The following RAB38 variants were observed in gnomAD, a reference collection of about 807,000 sequenced individuals.
The protein encoded by RAB38 is ras-related protein Rab-38.
Under a neutral mutation model 18.4 loss-of-function variants are expected in RAB38, and 15 were observed. That is an observed-to-expected ratio of 0.82 (90% CI 0.55 to 1.26). The LOEUF is 1.26. RAB38 is among the 50% of genes most tolerant of loss of function. The pLI is 0.00. For missense variants in RAB38, 294 were observed against 267.4 expected, an observed-to-expected ratio of 1.10 and a Z score of -0.69; for synonymous variants, 101 against 104.4, an observed-to-expected ratio of 0.97 and a Z score of 0.20.
chr11:88,113,835 G>T lies in RAB38; in HGVS notation c.*153C>A. 2 of 829,608 alleles carry T rather than the reference G, an allele frequency of 2.4e-6. No homozygotes were observed. Among genetic ancestry groups the T allele is most frequent in the Non-Finnish European group, 1.9e-6 (1 of 527,650 alleles). The allele number at this position is 829,608 out of a possible 1,614,324, so 51.4% of individuals were successfully genotyped here. On this transcript the variant is annotated 3_prime_UTR_variant, in exon 3 of 3. Transcript: ENST00000243662. Reference sequence around the variant, plus strand: ...TGAGGAAAGCATAGAAAGAACATTTGCTATTTCTCTCTCACTGAAAAAACA... The same window carrying T: ...TGAGGAAAGCATAGAAAGAACATTTTCTATTTCTCTCTCACTGAAAAAACA...
At chr11:87,863,152 A>G in the RAB38 span, among the ~76,000 whole-genome samples, 2 of 151,872 alleles carry the variant, frequency 1.3e-5, no homozygotes, top group African/African-American at 2.4e-5. Flanking sequence ...GCGGGACTAG[A>G]ATGGTCTTCC....
At chr11:88,028,478 T>G in the RAB38 span, among the ~76,000 whole-genome samples, 1 of 152,186 alleles carries the variant, frequency 6.6e-6, no homozygotes, top group Admixed American at 6.5e-5. Flanking sequence ...TTGAAAACTT[T>G]GAAAAAAATT....
the RAB38 span, among the ~76,000 whole-genome samples, chr11:88,037,795 A>G: frequency 1.3e-5 from 2 of 152,134 alleles, no homozygotes; most frequent in Non-Finnish European, 2.9e-5. Flanking sequence ...ATTCCATTGT[A>G]AAGATATAAT....
the RAB38 span, among the ~76,000 whole-genome samples, chr11:88,007,820 G>A: frequency 6.6e-6 from 1 of 151,944 alleles, no homozygotes; most frequent in East Asian, 1.9e-4. Flanking sequence ...CCAAAAACTA[G>A]GGGTAGGGGT....
At chr11:87,839,602 CAAAG>C in the RAB38 span, among the ~76,000 whole-genome samples, 11 of 152,018 alleles carry the variant, frequency 7.2e-5, no homozygotes, top group Non-Finnish European at 1.6e-4. Flanking sequence ...TGTAACACAT[CAAAG>C]AAAAAACCAT....
chr11:88,019,528 A>G, the RAB38 span, among the ~76,000 whole-genome samples: 1 of 152,144 alleles, frequency 6.6e-6, no homozygotes, highest in Non-Finnish European at 1.5e-5. Flanking sequence ...AATCCTTTAA[A>G]ATGTAAATCA....
the RAB38 span, among the ~76,000 whole-genome samples, chr11:87,936,632 C>T: frequency 6.6e-6 from 1 of 152,036 alleles, no homozygotes; most frequent in Non-Finnish European, 1.5e-5. Context: ...CTTTATTCTT[C>T]TTTGTTAAAA....
At chr11:88,050,315 C>T in the RAB38 span, 2 of 152,126 alleles carry the variant, frequency 1.3e-5, no homozygotes, top group Non-Finnish European at 2.9e-5. Flanking sequence ...CCATATAGGA[C>T]CTTATAAGTT....
At chr11:88,083,261 C>G in the RAB38 span, among the ~76,000 whole-genome samples, 1 of 151,910 alleles carries the variant, frequency 6.6e-6, no homozygotes, top group Admixed American at 6.6e-5. Flanking sequence ...CTTAATATTT[C>G]CCCGAATCTG....
downstream of RAB38, among the ~76,000 whole-genome samples, chr11:88,109,117 A>G (rs549407518): frequency 2.7e-4 from 41 of 152,130 alleles, no homozygotes; most frequent in Admixed American, 1.0e-3. Flanking sequence ...TATGTGTCTT[A>G]GTGTTGCTCC....
At chr11:87,840,025 T>A in the RAB38 span, among the ~76,000 whole-genome samples, 2 of 152,192 alleles carry the variant, frequency 1.3e-5, no homozygotes, top group East Asian at 3.9e-4. Flanking sequence ...GCCCATGTAA[T>A]GTCATTAGTG....
At chr11:87,869,424 G>T in the RAB38 span, among the ~76,000 whole-genome samples, 3 of 151,560 alleles carry the variant, frequency 2.0e-5, no homozygotes, top group Non-Finnish European at 4.4e-5. Flanking sequence ...TAAGAACCCG[G>T]CTCACTCACC....
the RAB38 span, among the ~76,000 whole-genome samples, chr11:87,936,404 C>A: frequency 6.6e-6 from 1 of 152,170 alleles, no homozygotes; most frequent in East Asian, 1.9e-4. Flanking sequence ...AAAAAGTAAT[C>A]TTTCCTCCAT....
At chr11:88,076,584 T>C in the RAB38 span, among the ~76,000 whole-genome samples, 1,472 of 152,148 alleles carry the variant, frequency 9.7e-3, 17 homozygotes, top group African/African-American at 0.032. Context: ...TTGCAGGATA[T>C]AAAATCAACA....
At chr11:88,034,823 TTTG>T in the RAB38 span, among the ~76,000 whole-genome samples, 1 of 152,376 alleles carries the variant, frequency 6.6e-6, no homozygotes, top group South Asian at 2.1e-4. Context: ...TATTCATGTC[TTTG>T]TTGAGTTTAA....
At chr11:87,898,319 C>T in the RAB38 span, among the ~76,000 whole-genome samples, 1 of 151,728 alleles carries the variant, frequency 6.6e-6, no homozygotes, top group South Asian at 2.1e-4. Flanking sequence ...TCAACCTCTG[C>T]ACTCTACTTT....
chr11:88,113,869 G>C lies in RAB38; in HGVS notation c.*119C>G, dbSNP rs1362835632. The C allele has an allele frequency of 7.5e-6, 9 of 1,192,890 alleles. No individual in the cohort carries two copies. The highest frequency in any genetic ancestry group is 1.5e-5 in the African/African-American group (1 of 65,496). The allele number at this position is 1,192,890 out of a possible 1,614,324, so 73.9% of individuals were successfully genotyped here. A position where few individuals can be genotyped will look rare whatever the true frequency, so the allele number is the denominator to read the frequency against. On this transcript the variant is annotated 3_prime_UTR_variant, in exon 3 of 3. Coordinates refer to ENST00000243662, the MANE Select transcript of RAB38 (RefSeq NM_022337.3). Reference sequence around the variant, plus strand: ...CTCTCACTGAAAAAACAGAGGCATAGATCTTTGGCTTGCCACATGTGGTAT... The same window carrying C: ...CTCTCACTGAAAAAACAGAGGCATACATCTTTGGCTTGCCACATGTGGTAT...
At chr11:87,973,557 A>G in the RAB38 span, among the ~76,000 whole-genome samples, 6 of 152,020 alleles carry the variant, frequency 3.9e-5, no homozygotes, top group African/African-American at 1.4e-4. Context: ...AGTCTTGCTA[A>G]CCAAAGAATC....
chr11:88,097,084 T>C, the RAB38 span, among the ~76,000 whole-genome samples: 9 of 151,960 alleles, frequency 5.9e-5, no homozygotes, highest in African/African-American at 1.9e-4. Flanking sequence ...TTTTATTTTC[T>C]ACACAGCTCA....
Sources: gnomAD v4.1 joint callset for allele counts (sites outside exome capture counted in the v4.1 genomes callset) on GRCh38, gnomAD v4.1.1 for gene constraint, MANE v1.5 for transcripts, NCBI Gene and HGNC (gene_info 2026-07-23, HGNC 2026-07-21) for gene names.